Variants in PXDN observed in about 807,000 individuals in gnomAD.
PXDN encodes the protein peroxidasin.
A neutral mutation model predicts 140.3 loss-of-function variants in PXDN; 77 were observed. That is an observed-to-expected ratio of 0.55 (90% CI 0.46 to 0.66). The LOEUF (loss-of-function observed/expected upper bound fraction) is 0.66. PXDN is among the 30% of genes least tolerant of loss of function. PXDN has a pLI of 0.00. For missense variants in PXDN, 1,838 were observed against 2,039.5 expected (o/e 0.90, Z 1.90); for synonymous variants, 911 against 857.4 (o/e 1.06, Z -1.09).
Position 1,740,992 on chromosome 2 carries a change from G to A in PXDN, c.200+3264C>T, listed in dbSNP as rs192593253. 1.6e-4 allele frequency among the ~76,000 whole-genome samples: 24 copies of A among 152,264 alleles called. No homozygotes were observed. In the East Asian group the frequency reaches 4.7e-3, roughly 30 times the overall value. ...GTTTCTGTCACAGAACTGCAGTTTG[G>A]GACAACTCATGGCTTTGCAGCGGCC... On this transcript the variant is annotated intron_variant, in intron 1 of 22. Coordinates refer to ENST00000252804, the MANE Select transcript of PXDN (RefSeq NM_012293.3).
chr2:1,727,783 T>C lies in PXDN; in HGVS notation c.200+16473A>G, dbSNP rs1219814823. 2.6e-5 allele frequency among the ~76,000 whole-genome samples: 4 copies of C among 152,222 alleles called. No homozygotes were observed. The East Asian group carries it at 7.7e-4, about 29-fold the overall frequency. ...GCAGGGCCTCCACGTGGCGTGTTCT[T>C]TCTGACTTCCTAATAGTATAATTAA... On this transcript the variant is annotated intron_variant, in intron 1 of 22. Transcript: ENST00000252804.
chr2:1,659,991 C>T (rs1199715777), intron 14 of PXDN, among the ~76,000 whole-genome samples: 3 of 152,098 alleles, frequency 2.0e-5, no homozygotes, highest in Non-Finnish European at 2.9e-5. Context: ...CCAGCGCCTG[C>T]GGGGAGTGGG....
rs745462028 is a variant in PXDN at position 1,661,033 on chromosome 2, C to A, written c.1685G>T (p.Gly562Val). Residue 562 changes from glycine to valine, a missense_variant, in exon 14 of 23, where the codon GGG (glycine) becomes GTG (valine). Around this residue, in one of 5 missense-constraint regions of PXDN, gnomAD observed 537 missense variants for 583.9 expected, o/e 0.92. Transcript: ENST00000252804. ...TTTTCCACTTTCTGTCACCTGAACC[C>A]CATCCTGGAGCAAAACAGAATGAAA... is the stretch of plus-strand genomic sequence containing the variant. ...PEPAITWNKDGVQVTESGKFH... is the reference protein window; with the variant it reads ...PEPAITWNKDVVQVTESGKFH... The A allele has an allele frequency of 6.2e-7, 1 of 1,613,926 alleles. No homozygotes were observed. The highest frequency in any genetic ancestry group is 2.2e-5 in the East Asian group (1 of 44,870).
intron 1 of PXDN, among the ~76,000 whole-genome samples, chr2:1,705,898 T>C (rs1572177223): frequency 6.6e-6 from 1 of 151,704 alleles, no homozygotes; most frequent in East Asian, 1.9e-4. Flanking sequence ...TTTTGGAGAG[T>C]TTCCCGCGTG....
At chr2:1,686,690 C>T (rs1048990628) in intron 4 of PXDN, among the ~76,000 whole-genome samples, 2 of 152,160 alleles carry the variant, frequency 1.3e-5, no homozygotes, top group Non-Finnish European at 2.9e-5. Flanking sequence ...CCAAATCTAC[C>T]CACGCCCTGT....
chr2:1,634,401 A>G, intron 22 of PXDN, 78 bp from the exon 23 acceptor site: 1 of 1,488,892 alleles, frequency 6.7e-7, no homozygotes, highest in East Asian at 2.5e-5. Flanking sequence ...GCTCCGGGAC[A>G]GGTGTCAGCC....
chr2:1,642,057 C>G (rs1682739602), intron 19 of PXDN, among the ~76,000 whole-genome samples: 1 of 152,174 alleles, frequency 6.6e-6, no homozygotes. Flanking sequence ...GATGTAATAA[C>G]AAGCATGTAA....
chr2:1,676,547 C>A, intron 8 of PXDN: 2 of 259,060 alleles, frequency 7.7e-6, no homozygotes, highest in South Asian at 1.1e-4. Flanking sequence ...AGGTTGGTCA[C>A]AATGCCCCAG....
intron 1 of PXDN, among the ~76,000 whole-genome samples, chr2:1,729,574 G>T (rs541482331): frequency 6.6e-6 from 1 of 151,026 alleles, no homozygotes; most frequent in South Asian, 2.1e-4. Context: ...TGGGGGAGGG[G>T]GGTGAGGGAT....
rs368223046 is a variant in PXDN, at chr2:1,644,701, C to T, written c.3660G>A (p.Glu1220=). ...CCAGCCGGCTGCCAGGCACCAGGTC[C>T]TCCACCACGAGCGCCGGAAACAGGT... ...NIDLFPALVV[E]DLVPGSRLGP... is the part of the protein sequence containing the mutation. The change falls in exon 18 of 23, where the codon GAG becomes GAA. Residue 1220 remains glutamate, a synonymous_variant. Transcript: ENST00000252804. The T allele has an allele frequency of 6.6e-5, 105 of 1,601,536 alleles. No homozygotes were observed. The highest frequency in any genetic ancestry group is 8.5e-5 in the Non-Finnish European group (100 of 1,171,958).
chr2:1,706,141 C>T (rs923698735), intron 1 of PXDN, among the ~76,000 whole-genome samples: 2 of 152,142 alleles, frequency 1.3e-5, no homozygotes, highest in Admixed American at 6.5e-5. Context: ...ACCCAGAGAC[C>T]GTCCCAGCGT....
In PXDN at chr2:1,632,162, T is replaced by G. The variant is rs757394993; in HGVS notation, c.*2042A>C. 2.0e-5 allele frequency: 3 copies of G among 152,242 alleles called. No homozygotes were observed. Among genetic ancestry groups the G allele is most frequent in the East Asian group, 1.9e-4 (1 of 5,178 alleles). 9.4% of individuals were successfully genotyped at this position (152,242 alleles called of 1,614,324 possible). On this transcript the variant is annotated 3_prime_UTR_variant, in exon 23 of 23. Coordinates refer to ENST00000252804, the MANE Select transcript of PXDN (RefSeq NM_012293.3). This position sits in a 1 kb window ranked among gnomAD's most constrained non-coding sequence, Gnocchi z 4.3. ...ACATTTTGGTTTGAATTACAGAATT[T>G]TTTTTGGTAAATCACAGTCAGCTTC...
intron 7 of PXDN, 95 bp downstream of exon 7, chr2:1,680,098 G>T: frequency 1.4e-6 from 2 of 1,382,170 alleles, no homozygotes; most frequent in Non-Finnish European, 1.9e-6. Context: ...TGTGTGTGGT[G>T]TGTGGATGTT....
intron 4 of PXDN, among the ~76,000 whole-genome samples, chr2:1,686,745 C>T (rs748555435): frequency 3.9e-5 from 6 of 152,178 alleles, no homozygotes; most frequent in Non-Finnish European, 7.3e-5. Context: ...ACATGAGCAC[C>T]GTGGGTCCTC....
At chr2:1,677,128 T>C (rs1683737537) in intron 7 of PXDN, 84 bp from the exon 8 acceptor site, 1 of 1,269,236 alleles carries the variant, frequency 7.9e-7, no homozygotes, top group Non-Finnish European at 1.1e-6. Context: ...GTTCTCTGTG[T>C]CCAAAAGGAA....
In PXDN at chr2:1,744,420, G is replaced by A. The variant is rs897795709; in HGVS notation, c.36C>T (p.Cys12=). ...AKRSRGPGRR[C]LLALVLFCAW... ...CGCAGAACAGCACGAGCGCCAACAG[G>A]CAGCGGCGCCCGGGGCCCCTGGAGC... The change falls in exon 1 of 23, where the codon TGC becomes TGT. Residue 12 remains cysteine, a synonymous_variant. Coordinates refer to ENST00000252804, the MANE Select transcript of PXDN (RefSeq NM_012293.3). The A allele has an allele frequency of 2.7e-6, 4 of 1,507,440 alleles. No homozygotes were observed. The highest frequency in any genetic ancestry group is 3.5e-6 in the Non-Finnish European group (4 of 1,135,360). The allele number at this position is 1,507,440 out of a possible 1,614,324, so 93.4% of individuals were successfully genotyped here. A position where few individuals can be genotyped will look rare whatever the true frequency, so the allele number is the denominator to read the frequency against.
intron 17 of PXDN, among the ~76,000 whole-genome samples, chr2:1,646,516 C>T (rs990154272): frequency 1.3e-5 from 2 of 152,286 alleles, no homozygotes; most frequent in East Asian, 1.9e-4. Flanking sequence ...TAACGGAGTG[C>T]GCACACACTT....
Position 1,643,430 on chromosome 2 carries a change from C to G in PXDN, c.3890G>C (p.Gly1297Ala). The G allele has an allele frequency of 6.2e-7, 1 of 1,613,954 alleles. No individual in the cohort carries two copies. Among genetic ancestry groups the G allele is most frequent in the Non-Finnish European group, 8.5e-7 (1 of 1,179,900 alleles). The change falls in exon 19 of 23, where the codon GGC (glycine) becomes GCC (alanine). Residue 1297 changes from glycine (G) to alanine (A), a missense_variant. This residue lies in a region of PXDN where 850 missense variants were observed against 894.1 expected (regional missense o/e 0.95). Coordinates refer to ENST00000252804, the MANE Select transcript of PXDN (RefSeq NM_012293.3). ...GGGGATCTCGTCACAGCTGCCGTAG[C>G]CGTGAGGGAACTCCGCCACCCTGAA... ...DVFRVAEFPH[G>A]YGSCDEIPRV...
chr2:1,679,775 ATG>A (rs1483538965), intron 7 of PXDN, among the ~76,000 whole-genome samples: 22 of 113,026 alleles, frequency 1.9e-4, no homozygotes, highest in African/African-American at 2.5e-4. Context: ...TTGTATCTGC[ATG>A]TGTGTGTCTA....
Sources: gnomAD v4.1 joint callset for allele counts (sites outside exome capture counted in the v4.1 genomes callset) on GRCh38, gnomAD v4.1.1 for gene constraint, gnomAD v4.1.1 regional missense constraint, Gnocchi (gnomAD v3.1) non-coding constraint, MANE v1.5 for transcripts, NCBI Gene and HGNC (gene_info 2026-07-23, HGNC 2026-07-21) for gene names.